ASAP1: variants seen among roughly 807,000 people sequenced by gnomAD.
ASAP1 encodes the protein ArfGAP with SH3 domain, ankyrin repeat and PH domain 1.
In ASAP1, 43 loss-of-function variants were observed where a neutral mutation model predicts 145.2. The observed-to-expected ratio is 0.30, with a 90% confidence interval of 0.23 to 0.38. The LOEUF (loss-of-function observed/expected upper bound fraction) is 0.38, where lower values mean the gene tolerates loss of function less well. Among genes scored for constraint, ASAP1 ranks in the 10% least tolerant of loss-of-function variants. ASAP1 has a pLI of 1.00. For missense variants in ASAP1, 1,018 were observed against 1,355.3 expected (o/e 0.75, Z 3.91); for synonymous variants, 546 against 515.5 (o/e 1.06, Z -0.80).
At chr8:130,242,011 T>C (rs1282728965) in intron 3 of ASAP1, among the ~76,000 whole-genome samples, 1 of 152,010 alleles carries the variant, frequency 6.6e-6, no homozygotes, top group Non-Finnish European at 1.5e-5. Flanking sequence ...AACAATAAAA[T>C]ATTAGCATAG....
At chr8:130,311,676 G>A (rs758745302) in intron 3 of ASAP1, among the ~76,000 whole-genome samples, 172 of 151,252 alleles carry the variant, frequency 1.1e-3, no homozygotes, top group Non-Finnish European at 2.2e-4. Context: ...CAAGAGAATC[G>A]CTTGAACCCG....
chr8:130,353,302 CTCAAA>C (rs1483284536), intron 3 of ASAP1, among the ~76,000 whole-genome samples: 18 of 152,330 alleles, frequency 1.2e-4, no homozygotes, highest in Non-Finnish European at 2.5e-4. Flanking sequence ...ACGGATTATA[CTCAAA>C]TGAGTTCCCA....
intron 25 of ASAP1, among the ~76,000 whole-genome samples, chr8:130,087,658 T>C (rs2097496557): frequency 1.3e-5 from 2 of 151,566 alleles, no homozygotes; most frequent in South Asian, 2.1e-4. Context: ...TACAACAGAG[T>C]GGTGGTGTGA....
chr8:130,429,718 C>T (rs114600593), intron 1 of ASAP1, among the ~76,000 whole-genome samples: 15 of 152,256 alleles, frequency 9.9e-5, no homozygotes, highest in African/African-American at 3.4e-4. Context: ...CTTAACTTAC[C>T]CCAACCAACT....
chr8:130,440,762 T>C (rs1830463000), intron 1 of ASAP1, among the ~76,000 whole-genome samples: 2 of 152,218 alleles, frequency 1.3e-5, no homozygotes, highest in African/African-American at 4.8e-5. Context: ...CCCATCCCTC[T>C]GCCTGGAAGG....
At chr8:130,153,334 T>TAC (rs2097650806) in intron 12 of ASAP1, among the ~76,000 whole-genome samples, 1 of 45,810 alleles carries the variant, frequency 2.2e-5, no homozygotes, top group Non-Finnish European at 4.2e-5. Context: ...GCTTTTTAAA[T>TAC]ATATATATAT....
intron 3 of ASAP1, among the ~76,000 whole-genome samples, chr8:130,354,824 T>C (rs527648648): frequency 2.6e-5 from 4 of 152,296 alleles, no homozygotes; most frequent in East Asian, 1.9e-4. Context: ...CCCTGAGCCA[T>C]GTGTGACCCT....
intron 14 of ASAP1, 53 bp from the exon 15 acceptor site, chr8:130,134,397 C>T (rs1278130111): frequency 2.5e-6 from 3 of 1,190,852 alleles, no homozygotes; most frequent in Non-Finnish European, 3.5e-6. Context: ...AGGGTACTTT[C>T]AGGTACAACA....
intron 2 of ASAP1, among the ~76,000 whole-genome samples, chr8:130,384,350 G>T (rs564266791): frequency 3.3e-4 from 51 of 152,282 alleles, no homozygotes; most frequent in African/African-American, 1.2e-3. Flanking sequence ...TTTACAGCCT[G>T]GTCTGCATAC....
chr8:130,149,504 C>G (rs2097641139), intron 13 of ASAP1, among the ~76,000 whole-genome samples: 1 of 152,050 alleles, frequency 6.6e-6, no homozygotes, highest in Non-Finnish European at 1.5e-5. Flanking sequence ...CTGGTGCAGA[C>G]CTTGCTTGGG....
At chr8:130,189,899 A>T (rs561088917) in intron 5 of ASAP1, among the ~76,000 whole-genome samples, 2 of 152,242 alleles carry the variant, frequency 1.3e-5, no homozygotes, top group South Asian at 4.2e-4. Flanking sequence ...TCCTCTGATG[A>T]TTAGTGATGT....
intron 4 of ASAP1, among the ~76,000 whole-genome samples, chr8:130,232,734 C>A: frequency 6.6e-6 from 1 of 152,072 alleles, no homozygotes; most frequent in South Asian, 2.1e-4. Context: ...AATGTTTAGC[C>A]ATTTTTCAAA....
intron 1 of ASAP1, among the ~76,000 whole-genome samples, chr8:130,441,232 GA>G (rs1830478326): frequency 6.6e-6 from 1 of 152,218 alleles, no homozygotes. Context: ...ATGCATGAAA[GA>G]AAAACTCGAT....
chr8:130,205,395 A>AC (rs1349191603), intron 5 of ASAP1, among the ~76,000 whole-genome samples: 1 of 151,630 alleles, frequency 6.6e-6, no homozygotes, highest in African/African-American at 2.4e-5. Flanking sequence ...AAAAAAAAAA[A>AC]AAAAACAAAA....
At chr8:130,246,081 A>C (rs1818831157) in intron 3 of ASAP1, among the ~76,000 whole-genome samples, 1 of 152,070 alleles carries the variant, frequency 6.6e-6, no homozygotes. Flanking sequence ...CTCTCAATTA[A>C]TCACTGCGAG....
chr8:130,123,564 CCT>C (rs1181719740), intron 18 of ASAP1, among the ~76,000 whole-genome samples: 1 of 152,006 alleles, frequency 6.6e-6, no homozygotes, highest in African/African-American at 2.4e-5. Flanking sequence ...TCTGCTTTCC[CCT>C]GACAATGGGG....
chr8:130,295,273 A>T (rs76660211), intron 3 of ASAP1, among the ~76,000 whole-genome samples: 4,020 of 152,206 alleles, frequency 0.026, 64 homozygotes, highest in Middle Eastern at 0.044. Flanking sequence ...ACAGAGCAAG[A>T]CTGTCTCACA....
chr8:130,066,727 G>C (rs1342441991), intron 27 of ASAP1, among the ~76,000 whole-genome samples: 2 of 152,068 alleles, frequency 1.3e-5, no homozygotes, highest in Non-Finnish European at 2.9e-5. Flanking sequence ...CTAAAGGCAT[G>C]GGCAGTCATA....
intron 1 of ASAP1, among the ~76,000 whole-genome samples, chr8:130,442,100 C>T (rs1419494420): frequency 3.3e-5 from 5 of 152,060 alleles, no homozygotes; most frequent in Non-Finnish European, 7.4e-5. Context: ...TTTTTTAACT[C>T]CCTATCTCAA....
Sources: allele counts gnomAD v4.1 joint callset (sites outside exome capture counted in the v4.1 genomes callset), GRCh38; gene constraint gnomAD v4.1.1; transcripts MANE v1.5; gene names NCBI Gene and HGNC (gene_info 2026-07-23, HGNC 2026-07-21).